Variants in GRIN3A observed in about 807,000 individuals in gnomAD.
The protein encoded by GRIN3A is glutamate receptor ionotropic, NMDA 3A.
A neutral mutation model predicts 92.4 loss-of-function variants in GRIN3A; 47 were observed. The observed-to-expected ratio is 0.51, with a 90% confidence interval of 0.40 to 0.65. The LOEUF (loss-of-function observed/expected upper bound fraction) is 0.65, where lower values mean the gene tolerates loss of function less well. GRIN3A is among the 30% of genes least tolerant of loss of function. The pLI is 0.00. For missense variants in GRIN3A, 1,324 were observed against 1,393.1 expected, an observed-to-expected ratio of 0.95 and a Z score of 0.79; for synonymous variants, 527 against 540.6, an observed-to-expected ratio of 0.97 and a Z score of 0.35.
At chr9:101,650,475 T>C (rs1308569202) in intron 3 of GRIN3A, among the ~76,000 whole-genome samples, 2 of 151,966 alleles carry the variant, frequency 1.3e-5, no homozygotes, top group Non-Finnish European at 2.9e-5. Flanking sequence ...GGATAAGACA[T>C]GTGGAACAGA....
chr9:101,596,333 C>T (rs1207206599), intron 6 of GRIN3A, among the ~76,000 whole-genome samples: 3 of 151,964 alleles, frequency 2.0e-5, no homozygotes, highest in Non-Finnish European at 4.4e-5. Flanking sequence ...CCCAATTAGA[C>T]TGTTATATTG....
intron 2 of GRIN3A, among the ~76,000 whole-genome samples, chr9:101,671,726 G>T (rs1829328715): frequency 6.6e-6 from 1 of 152,160 alleles, no homozygotes. Context: ...CTGCATGTTG[G>T]ATCTCATCCA....
At chr9:101,605,014 G>A (rs962621821) in intron 6 of GRIN3A, among the ~76,000 whole-genome samples, 21 of 152,210 alleles carry the variant, frequency 1.4e-4, no homozygotes, top group African/African-American at 4.1e-4. Context: ...AATCAAGTCT[G>A]GGTCCCTGGC....
At chr9:101,599,688 A>G (rs1292618752) in intron 6 of GRIN3A, among the ~76,000 whole-genome samples, 1 of 152,168 alleles carries the variant, frequency 6.6e-6, no homozygotes, top group Non-Finnish European at 1.5e-5. Context: ...ATAAAGAAAT[A>G]TTGAGTAGGT....
chr9:101,577,896 A>G (rs1282285055), intron 7 of GRIN3A, 52 bp from the exon 8 acceptor site: 5 of 1,338,586 alleles, frequency 3.7e-6, no homozygotes, highest in Middle Eastern at 1.8e-4. Flanking sequence ...CACATAGGTC[A>G]GGGAACAAAG....
chr9:101,621,022 C>T (rs1023696662), intron 5 of GRIN3A, among the ~76,000 whole-genome samples: 9 of 152,054 alleles, frequency 5.9e-5, no homozygotes, highest in Admixed American at 3.9e-4. Flanking sequence ...AGGTGGCTCA[C>T]GCCTGTAATC....
chr9:101,635,368 C>G (rs1233565043), intron 3 of GRIN3A, among the ~76,000 whole-genome samples: 1 of 152,122 alleles, frequency 6.6e-6, no homozygotes, highest in East Asian at 1.9e-4. Context: ...GCTGTTTTTG[C>G]ACTACAACAG....
chr9:101,632,059 C>G (rs890072324), intron 3 of GRIN3A, among the ~76,000 whole-genome samples: 7 of 152,182 alleles, frequency 4.6e-5, no homozygotes, highest in African/African-American at 1.7e-4. Flanking sequence ...CTAGCCTTGT[C>G]GTCCTGCTCT....
At chr9:101,602,846 A>T (rs569567642) in intron 6 of GRIN3A, 20 of 148,456 alleles carry the variant, frequency 1.3e-4, no homozygotes, top group African/African-American at 5.0e-4. Flanking sequence ...TCTTGTGATG[A>T]TACGGAGGGA....
At chr9:101,707,035 G>A (rs1210736669) in intron 1 of GRIN3A, among the ~76,000 whole-genome samples, 2 of 152,148 alleles carry the variant, frequency 1.3e-5, no homozygotes, top group East Asian at 3.9e-4. Context: ...CATCCTAACA[G>A]CAATTATTCA....
intron 3 of GRIN3A, among the ~76,000 whole-genome samples, chr9:101,656,614 A>G (rs1382769788): frequency 6.6e-6 from 1 of 151,874 alleles, no homozygotes; most frequent in Non-Finnish European, 1.5e-5. Context: ...ATTCTGGTTT[A>G]GTAGGTCTAG....
intron 6 of GRIN3A, 146 bp from the exon 7 acceptor site, chr9:101,579,506 C>T (rs1226786387): frequency 3.7e-6 from 3 of 818,916 alleles, no homozygotes; most frequent in Non-Finnish European, 4.0e-6. Flanking sequence ...GTTCTGTGAC[C>T]TTCATTATAC....
In GRIN3A at chr9:101,676,356, G is replaced by A. The variant is rs148650014; in HGVS notation, c.1305-5249C>T. ...TTCCATTAATCATATCTGTCTATGT[G>A]AATATCTATTTTGTACTACAAGGCC... On this transcript the variant is annotated intron_variant, in intron 2 of 8. Transcript: ENST00000361820. 7.6e-3 allele frequency among the ~76,000 whole-genome samples: 1,147 copies of A among 150,834 alleles called. 12 individuals carry two copies. Among genetic ancestry groups the A allele is most frequent in the African/African-American group, 0.027 (1,090 of 41,068 alleles).
chr9:101,650,186 G>A (rs1832933984), intron 3 of GRIN3A, among the ~76,000 whole-genome samples: 2 of 151,934 alleles, frequency 1.3e-5, no homozygotes, highest in South Asian at 4.1e-4. Context: ...TTCTTCATCT[G>A]TAGAAAAGGA....
rs962619066 is a variant in GRIN3A at position 101,737,294 on chromosome 9, G to A, written c.686C>T (p.Pro229Leu). Residue 229 changes from proline (P) to leucine (L), a missense_variant, in exon 1 of 9, where the codon CCA becomes CTA. Physicochemically the swap from Pro to Leu is moderately conservative, Grantham distance 98 (BLOSUM62 -3). Coordinates refer to ENST00000361820, the MANE Select transcript of GRIN3A (RefSeq NM_133445.3). ...GGCTCCTCTCACCTGACTCTCCCGT[G>A]GAAACTCGTGGCGCACGATGCTGAT... ...PVISIVRHEF[P>L]RESQNPLHLQ... The A allele has an allele frequency of 6.2e-7, 1 of 1,613,894 alleles. No individual in the cohort carries two copies. The highest frequency in any genetic ancestry group is 1.7e-5 in the Admixed American group (1 of 60,004).
chr9:101,643,840 CA>C (rs201540945), intron 3 of GRIN3A, among the ~76,000 whole-genome samples: 51 of 149,674 alleles, frequency 3.4e-4, no homozygotes, highest in Non-Finnish European at 6.2e-4. Context: ...TATGTGGAAT[CA>C]AAAAAAAATT....
chr9:101,725,571 GA>G (rs1830074007), intron 1 of GRIN3A, among the ~76,000 whole-genome samples: 3 of 152,162 alleles, frequency 2.0e-5, no homozygotes, highest in Admixed American at 2.0e-4. Context: ...TTTCAAGTTA[GA>G]AATTCCTGGC....
chr9:101,648,938 G>A (rs981180867), intron 3 of GRIN3A, among the ~76,000 whole-genome samples: 1 of 151,920 alleles, frequency 6.6e-6, no homozygotes, highest in Non-Finnish European at 1.5e-5. Flanking sequence ...CTTATAGTGA[G>A]CACTGGAACT....
intron 1 of GRIN3A, among the ~76,000 whole-genome samples, chr9:101,698,311 C>A (rs1588288223): frequency 6.6e-6 from 1 of 152,296 alleles, no homozygotes; most frequent in East Asian, 1.9e-4. Flanking sequence ...ACATCAAAAG[C>A]TTTTAGAATT....
Sources: allele counts gnomAD v4.1 joint callset (sites outside exome capture counted in the v4.1 genomes callset), GRCh38; gene constraint gnomAD v4.1.1; transcripts MANE v1.5; gene names NCBI Gene and HGNC (gene_info 2026-07-23, HGNC 2026-07-21).